The following IQSEC1 variants were observed in gnomAD, a reference collection of about 807,000 sequenced individuals.
The protein encoded by IQSEC1 is IQ motif and SEC7 domain-containing protein 1.
In IQSEC1, 31 loss-of-function variants were observed where a neutral mutation model predicts 91.0. The observed-to-expected ratio is 0.34, with a 90% CI of 0.26 to 0.46. The LOEUF (loss-of-function observed/expected upper bound fraction) is 0.46. Among genes scored for constraint, IQSEC1 ranks in the 20% least tolerant of loss-of-function variants. The probability of loss-of-function intolerance (pLI) is 1.00; values close to 1 mark genes in which losing one functional copy is unlikely to be tolerated. For missense variants in IQSEC1, 1,388 were observed against 1,575.6 expected, an observed-to-expected ratio of 0.88 and a Z score of 2.02; for synonymous variants, 699 against 662.6, an observed-to-expected ratio of 1.05 and a Z score of -0.84.
chr3:12,989,557 C>T (rs539101000), intron 1 of IQSEC1, among the ~76,000 whole-genome samples: 1 of 152,238 alleles, frequency 6.6e-6, no homozygotes, highest in Admixed American at 6.5e-5. Context: ...TCGAACCCAG[C>T]CCAGCTGCCT....
chr3:13,157,327 G>A (rs543318536), intron 2 of IQSEC1, among the ~76,000 whole-genome samples: 49 of 152,228 alleles, frequency 3.2e-4, no homozygotes, highest in African/African-American at 1.1e-3. Flanking sequence ...AAATCAAAAC[G>A]CAAAATACAC....
intron 1 of IQSEC1, among the ~76,000 whole-genome samples, chr3:13,025,652 C>T (rs1703584825): frequency 6.6e-6 from 1 of 152,328 alleles, no homozygotes; most frequent in East Asian, 1.9e-4. Context: ...CCTCTAATTT[C>T]TGCCTCTGGC....
chr3:12,980,185 A>G (rs554688908), intron 1 of IQSEC1, among the ~76,000 whole-genome samples: 1 of 152,306 alleles, frequency 6.6e-6, no homozygotes, highest in East Asian at 1.9e-4. Flanking sequence ...GGGCCCTCTT[A>G]GTCCATAGGA....
chr3:13,210,828 C>T (rs1157382299), intron 1 of IQSEC1, among the ~76,000 whole-genome samples: 1 of 152,188 alleles, frequency 6.6e-6, no homozygotes, highest in Non-Finnish European at 1.5e-5. Context: ...GAGGCAGGCC[C>T]TGAGGCCTTG....
At chr3:12,981,456 T>G (rs1422531001) in intron 1 of IQSEC1, among the ~76,000 whole-genome samples, 1 of 151,852 alleles carries the variant, frequency 6.6e-6, no homozygotes, top group Non-Finnish European at 1.5e-5. Context: ...GAGACATCTC[T>G]GGGGGGGAGA....
chr3:13,116,782 C>T (rs1230624129), intron 2 of IQSEC1, among the ~76,000 whole-genome samples: 2 of 151,902 alleles, frequency 1.3e-5, no homozygotes, highest in South Asian at 4.2e-4. Flanking sequence ...AGAGTGAGGT[C>T]CTGTCTCAAA....
At chr3:13,241,379 C>T (rs930621973) in intron 1 of IQSEC1, among the ~76,000 whole-genome samples, 1 of 152,224 alleles carries the variant, frequency 6.6e-6, no homozygotes, top group Non-Finnish European at 1.5e-5. Flanking sequence ...GTCCACCAGA[C>T]CACAGGCTGC....
intron 1 of IQSEC1, among the ~76,000 whole-genome samples, chr3:13,228,241 T>C (rs1420526590): frequency 1.3e-5 from 2 of 152,058 alleles, no homozygotes; most frequent in Non-Finnish European, 2.9e-5. Flanking sequence ...ACAAGGCGCA[T>C]AGGAACACAC....
intron 1 of IQSEC1, among the ~76,000 whole-genome samples, chr3:13,222,165 C>T (rs1382606378): frequency 2.0e-5 from 3 of 150,126 alleles, no homozygotes; most frequent in East Asian, 2.0e-4. Context: ...GCCCCTGGCA[C>T]CTCCATTCCA....
chr3:13,275,736 T>C (rs1477145849), intron 1 of IQSEC1, among the ~76,000 whole-genome samples: 2 of 152,162 alleles, frequency 1.3e-5, no homozygotes, highest in Non-Finnish European at 2.9e-5. Flanking sequence ...CAGGTCTCCA[T>C]CTCCTATTTG....
chr3:13,112,029 G>C (rs1706255239), intron 2 of IQSEC1, among the ~76,000 whole-genome samples: 1 of 152,138 alleles, frequency 6.6e-6, no homozygotes, highest in African/African-American at 2.4e-5. Context: ...CCTCATTGCT[G>C]TTCCCTGCAC....
chr3:13,014,402 G>A (rs1312749438), intron 1 of IQSEC1, among the ~76,000 whole-genome samples: 1 of 152,192 alleles, frequency 6.6e-6, no homozygotes, highest in African/African-American at 2.4e-5. Flanking sequence ...ATGTCACATG[G>A]CTGGGGCACA....
chr3:12,902,017 C>T (rs973041884), intron 13 of IQSEC1, among the ~76,000 whole-genome samples: 9 of 151,538 alleles, frequency 5.9e-5, no homozygotes, highest in African/African-American at 9.7e-5. Context: ...CCTGAGGTCT[C>T]GGGGGAGGTG....
intron 2 of IQSEC1, among the ~76,000 whole-genome samples, chr3:13,120,261 C>T (rs1028301346): frequency 6.6e-6 from 1 of 152,208 alleles, no homozygotes; most frequent in Non-Finnish European, 1.5e-5. Context: ...TCCTCAGCAC[C>T]ACTCAGTAAG....
intron 2 of IQSEC1, among the ~76,000 whole-genome samples, chr3:13,084,461 T>G (rs866698099): frequency 1.1e-4 from 16 of 152,144 alleles, no homozygotes; most frequent in African/African-American, 3.6e-4. Context: ...CAGACAGTTT[T>G]AGGCACCAGG....
intron 1 of IQSEC1, chr3:13,047,343 T>C (rs1429815524): frequency 1.1e-5 from 3 of 265,082 alleles, no homozygotes; most frequent in Non-Finnish European, 5.8e-6. Context: ...CCTCTGGCCC[T>C]TGGGGGAATT....
intron 1 of IQSEC1, among the ~76,000 whole-genome samples, chr3:13,269,200 C>G (rs1354272859): frequency 6.6e-6 from 1 of 152,202 alleles, no homozygotes; most frequent in Non-Finnish European, 1.5e-5. Flanking sequence ...GAGAGGAACT[C>G]AGGCCAACAC....
Position 13,259,943 on chromosome 3 carries a change from A to G in IQSEC1, c.272+22768T>C, listed in dbSNP as rs1461080129. Among the ~76,000 whole-genome samples the G allele has an allele frequency of 2.0e-5, 3 of 152,246 alleles. No individual in the cohort carries two copies. Among genetic ancestry groups the G allele is most frequent in the African/African-American group, 7.2e-5 (3 of 41,464 alleles). ...TTGCAATTAAGCAGATCTGCTTTCA[A>G]AATATGACTAATTAGAACAGTCGTG... On this transcript the variant is annotated intron_variant, in intron 1 of 15. Transcript: ENST00000648114. This position sits in a 1 kb window ranked among gnomAD's most constrained non-coding sequence, Gnocchi z 4.6.
At chr3:13,201,567 C>T (rs1242581201) in intron 1 of IQSEC1, among the ~76,000 whole-genome samples, 1 of 152,188 alleles carries the variant, frequency 6.6e-6, no homozygotes, top group Non-Finnish European at 1.5e-5. Context: ...TGGTCTCGAA[C>T]TCCCAGCCTC....
Sources: gnomAD v4.1 joint callset for allele counts (sites outside exome capture counted in the v4.1 genomes callset) on GRCh38, gnomAD v4.1.1 for gene constraint, Gnocchi (gnomAD v3.1) non-coding constraint, MANE v1.5 for transcripts, NCBI Gene and HGNC (gene_info 2026-07-23, HGNC 2026-07-21) for gene names.